The following ATG10 variants were observed in gnomAD, a reference collection of about 807,000 sequenced individuals.
The protein encoded by ATG10 is ubiquitin-like-conjugating enzyme ATG10.
A neutral mutation model predicts 32.1 loss-of-function variants in ATG10; 30 were observed. That is an observed-to-expected ratio of 0.94 (90% confidence interval 0.70 to 1.27). ATG10 has a LOEUF of 1.27. Among genes scored for constraint, ATG10 ranks in the 50% most tolerant of loss-of-function variants. The pLI, the probability that ATG10 is intolerant of heterozygous loss-of-function variation, is 0.00. For missense variants in ATG10, 233 were observed against 262.3 expected (o/e 0.89, Z 0.77); for synonymous variants, 87 against 91.5 (o/e 0.95, Z 0.28).
At chr5:82,054,064 G>A (rs1011240035) in intron 2 of ATG10, among the ~76,000 whole-genome samples, 10 of 152,152 alleles carry the variant, frequency 6.6e-5, no homozygotes, top group African/African-American at 2.2e-4. Flanking sequence ...GATTGACTCT[G>A]TTCATTGAGT....
chr5:82,019,109 G>A (rs997924109), intron 2 of ATG10, among the ~76,000 whole-genome samples: 2 of 152,096 alleles, frequency 1.3e-5, no homozygotes, highest in Admixed American at 1.3e-4. Context: ...TTCACAATTT[G>A]TCTGAAGAAT....
chr5:82,222,841 ATATTGTTCTT>A (rs1745981615), intron 5 of ATG10, among the ~76,000 whole-genome samples: 1 of 152,234 alleles, frequency 6.6e-6, no homozygotes, highest in Non-Finnish European at 1.5e-5. Context: ...CAATCAGGGC[ATATTGTTCTT>A]TCAGGTTTCA....
chr5:81,996,791 A>G (rs1323247468), intron 2 of ATG10, among the ~76,000 whole-genome samples: 3 of 152,210 alleles, frequency 2.0e-5, no homozygotes, highest in African/African-American at 7.2e-5. Context: ...TCCTCATGCA[A>G]GTTATTTTTT....
chr5:82,205,825 C>T (rs1026278937), intron 5 of ATG10, among the ~76,000 whole-genome samples: 2 of 151,976 alleles, frequency 1.3e-5, no homozygotes, highest in Admixed American at 6.6e-5. Context: ...GATGCATGTA[C>T]AAAATAGAGT....
At chr5:82,099,349 CTT>C (rs1765180654) in intron 3 of ATG10, among the ~76,000 whole-genome samples, 1 of 144,370 alleles carries the variant, frequency 6.9e-6, no homozygotes, top group Non-Finnish European at 1.5e-5. Context: ...TATGATGTAA[CTT>C]AAGGGATATT....
intron 5 of ATG10, among the ~76,000 whole-genome samples, chr5:82,207,442 T>A (rs948117880): frequency 4.6e-5 from 7 of 152,192 alleles, no homozygotes; most frequent in African/African-American, 1.7e-4. Flanking sequence ...GTGAAGTTCC[T>A]GTTCATGCCT....
chr5:82,182,198 A>G (rs1400783927), intron 5 of ATG10, among the ~76,000 whole-genome samples: 7 of 152,072 alleles, frequency 4.6e-5, no homozygotes, highest in Non-Finnish European at 1.0e-4. Context: ...CAGATAAGTA[A>G]TTTTTTCTTA....
intron 2 of ATG10, among the ~76,000 whole-genome samples, chr5:82,040,288 A>T (rs1319656938): frequency 6.6e-6 from 1 of 152,340 alleles, no homozygotes; most frequent in East Asian, 1.9e-4. Flanking sequence ...AAATAAAGGC[A>T]ACATTGAAAT....
At chr5:82,091,071 C>T (rs1764866950) in intron 3 of ATG10, among the ~76,000 whole-genome samples, 1 of 152,124 alleles carries the variant, frequency 6.6e-6, no homozygotes, top group Admixed American at 6.6e-5. Flanking sequence ...AGAGAGCTTA[C>T]TGACAGAAAT....
chr5:82,178,143 G>T (rs1264147185), intron 4 of ATG10, among the ~76,000 whole-genome samples: 3 of 152,106 alleles, frequency 2.0e-5, no homozygotes, highest in Admixed American at 2.0e-4. Context: ...AGTATTCATG[G>T]TGCACCTTTA....
At chr5:82,036,971 A>C (rs1762942475) in intron 2 of ATG10, among the ~76,000 whole-genome samples, 2 of 151,306 alleles carry the variant, frequency 1.3e-5, no homozygotes, top group African/African-American at 4.9e-5. Flanking sequence ...TCTGTACTAA[A>C]AATACAAAAA....
chr5:82,040,367 T>C (rs1434583961), intron 2 of ATG10, among the ~76,000 whole-genome samples: 1 of 152,150 alleles, frequency 6.6e-6, no homozygotes, highest in East Asian at 1.9e-4. Context: ...ACAACCAGAA[T>C]GATAAAAACC....
chr5:82,224,438 C>G (rs936880838), intron 5 of ATG10, among the ~76,000 whole-genome samples: 9 of 152,114 alleles, frequency 5.9e-5, no homozygotes, highest in Non-Finnish European at 1.5e-5. Flanking sequence ...TCCAGGCCCC[C>G]AAAAGGTTCA....
At chr5:81,990,320 A>G (rs1761416378) in intron 2 of ATG10, among the ~76,000 whole-genome samples, 1 of 152,148 alleles carries the variant, frequency 6.6e-6, no homozygotes, top group South Asian at 2.1e-4. Context: ...CCTTTTCACC[A>G]GTTTTTTTTC....
At chr5:82,003,967 C>A (rs756955656) in intron 2 of ATG10, among the ~76,000 whole-genome samples, 10 of 152,146 alleles carry the variant, frequency 6.6e-5, no homozygotes, top group Non-Finnish European at 1.5e-4. Context: ...TGGTGAAATC[C>A]CATCTCTACT....
intron 3 of ATG10, among the ~76,000 whole-genome samples, chr5:82,085,949 A>G (rs1764672731): frequency 6.6e-6 from 1 of 152,176 alleles, no homozygotes; most frequent in South Asian, 2.1e-4. Context: ...ACATTTTGGA[A>G]TAATAATGGA....
intron 6 of ATG10, 23 bp downstream of exon 6, chr5:82,252,682 A>C: frequency 7.3e-7 from 1 of 1,379,184 alleles, no homozygotes; most frequent in Non-Finnish European, 1.0e-6. Context: ...ATCAAGATAC[A>C]TTGGCTTCTA....
At chr5:82,068,596 G>T (rs1361647111) in intron 3 of ATG10, among the ~76,000 whole-genome samples, 1 of 150,476 alleles carries the variant, frequency 6.6e-6, no homozygotes, top group Admixed American at 6.6e-5. Flanking sequence ...TTAATAGATT[G>T]TTGGGGGTTT....
At chr5:82,007,961 A>G (rs1581592193) in intron 2 of ATG10, among the ~76,000 whole-genome samples, 1 of 152,202 alleles carries the variant, frequency 6.6e-6, no homozygotes, top group East Asian at 1.9e-4. Context: ...TTTAGTTACA[A>G]TTTTAAGGTT....
Sources: allele counts gnomAD v4.1 joint callset (sites outside exome capture counted in the v4.1 genomes callset), GRCh38; gene constraint gnomAD v4.1.1; transcripts MANE v1.5; gene names NCBI Gene and HGNC (gene_info 2026-07-23, HGNC 2026-07-21).